Variants in ERC1 observed in about 807,000 individuals in gnomAD.
ERC1 encodes the protein RAB6 interacting protein 2.
In ERC1, 56 loss-of-function variants were observed where a neutral mutation model predicts 132.0. That is an observed-to-expected ratio of 0.42 (90% confidence interval 0.34 to 0.53). The LOEUF is 0.53. ERC1 is among the 20% of genes least tolerant of loss of function. ERC1 has a pLI of 0.03. For synonymous variants in ERC1, 478 were observed against 476.1 expected (o/e 1.00, Z -0.05); for missense variants, 1,202 against 1,349.9 (o/e 0.89, Z 1.72).
At chr12:1,293,314 G>T (rs370402687) in intron 15 of ERC1, among the ~76,000 whole-genome samples, 3 of 149,932 alleles carry the variant, frequency 2.0e-5, no homozygotes, top group African/African-American at 4.9e-5. Context: ...TTAGCCAGGC[G>T]TGGTGGCGGG....
At chr12:1,031,888 A>G (rs1968107849) in intron 2 of ERC1, among the ~76,000 whole-genome samples, 1 of 152,132 alleles carries the variant, frequency 6.6e-6, no homozygotes. Context: ...CAACAGGCAT[A>G]TTTGGTTAAA....
intron 18 of ERC1, among the ~76,000 whole-genome samples, chr12:1,464,689 T>G (rs1188202128): frequency 1.7e-4 from 25 of 151,364 alleles, no homozygotes; most frequent in Non-Finnish European, 8.8e-5. Flanking sequence ...CCCAGCTAAT[T>G]TTTGTATTTT....
At chr12:1,456,753 C>T (rs2093546267) in intron 18 of ERC1, among the ~76,000 whole-genome samples, 1 of 151,822 alleles carries the variant, frequency 6.6e-6, no homozygotes, top group East Asian at 1.9e-4. Context: ...CACAGTACTC[C>T]AGATGCAGTG....
intron 13 of ERC1, among the ~76,000 whole-genome samples, chr12:1,256,035 A>C (rs1268172222): frequency 2.0e-4 from 31 of 151,892 alleles, no homozygotes; most frequent in Admixed American, 2.0e-3. Context: ...TGGCTACATA[A>C]ATGTCTCCTT....
Position 1,491,834 on chromosome 12 carries a change from C to T in ERC1, c.*1604C>T, listed in dbSNP as rs1045436832. ...AGGACGTAGCGTAGACAACAGCAGT[C>T]ATAAATAATTAGGCAGGAACTTAAC... is the stretch of plus-strand genomic sequence containing the variant. On this transcript the variant is annotated 3_prime_UTR_variant, in exon 19 of 19. Transcript: ENST00000360905. The T allele has an allele frequency of 3.9e-5, 9 of 232,464 alleles. No homozygotes were observed. The highest frequency in any genetic ancestry group is 4.4e-5 in the African/African-American group (2 of 45,304). 14.4% of individuals were successfully genotyped at this position (232,464 alleles called of 1,614,324 possible).
chr12:1,060,249 A>G (rs186714081), intron 2 of ERC1, among the ~76,000 whole-genome samples: 71 of 151,464 alleles, frequency 4.7e-4, no homozygotes, highest in Non-Finnish European at 4.4e-5. Flanking sequence ...ATATGTATAC[A>G]TGTGCCATGC....
At position 1,143,131 on chromosome 12, in the gene ERC1, T is replaced by C. The variant is rs938479947; in HGVS notation, c.1737+1344T>C. Among the ~76,000 whole-genome samples the C allele has an allele frequency of 4.6e-5, 7 of 152,268 alleles. No homozygotes were observed. The East Asian group carries it at 1.2e-3, about 25-fold the overall frequency. On this transcript the variant is annotated intron_variant, in intron 8 of 18. Transcript: ENST00000360905. ...TTGGCCAGGCCGGTTTTGAAGTCCATGGCCTCAAGCGAGCCACCCACCTGG... is the reference window on the plus strand; with the variant it reads ...TTGGCCAGGCCGGTTTTGAAGTCCACGGCCTCAAGCGAGCCACCCACCTGG...
chr12:990,954 T>TGTGTGTGTGTGTGTGC (rs1959181080), upstream of ERC1: 1 of 141,728 alleles, frequency 7.1e-6, no homozygotes, highest in Non-Finnish European at 1.5e-5. Context: ...TGTGTGTGAG[T>TGTGTGTGTGTGTGTGC]GTGTGTGTGT....
intron 15 of ERC1, among the ~76,000 whole-genome samples, chr12:1,292,137 C>T (rs2079496453): frequency 6.6e-6 from 1 of 152,188 alleles, no homozygotes; most frequent in Non-Finnish European, 1.5e-5. Context: ...CATTCAAACT[C>T]CTCCTGCAGG....
chr12:1,259,748 C>T (rs1247552824), intron 13 of ERC1, among the ~76,000 whole-genome samples: 5 of 152,116 alleles, frequency 3.3e-5, no homozygotes, highest in Non-Finnish European at 7.4e-5. Context: ...TGGTCTCAAA[C>T]TCCTGACCTC....
At chr12:1,134,159 A>G (rs1949031018) in intron 7 of ERC1, among the ~76,000 whole-genome samples, 2 of 152,190 alleles carry the variant, frequency 1.3e-5, no homozygotes, top group East Asian at 3.9e-4. Flanking sequence ...ATGGTACCAA[A>G]ATTGCATTTA....
Position 1,336,698 on chromosome 12 carries a change from G to A in ERC1, c.2781-35135G>A, listed in dbSNP as rs1388266037. On this transcript the variant is annotated intron_variant, in intron 15 of 18. Coordinates refer to ENST00000360905, the MANE Select transcript of ERC1 (RefSeq NM_178040.4). ...GTCAGTTTTAGAGTATGTGCCATGC[G>A]AAGGTGAGAATGTATGTTCTGTTGC... Among the ~76,000 whole-genome samples the A allele has an allele frequency of 3.3e-5, 5 of 152,294 alleles. No homozygotes were observed. In the East Asian group the frequency reaches 5.8e-4, roughly 18 times the overall value.
chr12:1,398,087 G>A (rs1249088862), intron 16 of ERC1, among the ~76,000 whole-genome samples: 3 of 152,002 alleles, frequency 2.0e-5, no homozygotes, highest in Admixed American at 6.6e-5. Flanking sequence ...AGGCTCAATC[G>A]ATCCTCCCAC....
rs142996485 is a variant in ERC1 at position 1,490,209 on chromosome 12, C to T, written c.3330C>T (p.Asn1110=). Residue 1110 remains asparagine (N), a synonymous_variant, in exon 19 of 19, where the codon AAC becomes AAT. Transcript: ENST00000360905. ...CCGACATCCTAGAGCAAGTGGTCAACGCCCTGGAAGAGTCCTCTTGACCCT... is the reference window on the plus strand; with the variant it reads ...CCGACATCCTAGAGCAAGTGGTCAATGCCCTGGAAGAGTCCTCTTGACCCT... ...HCPDILEQVV[N]ALEESS The T allele has an allele frequency of 2.1e-5, 34 of 1,614,034 alleles. 1 individual carries two copies. The Admixed American group carries it at 2.2e-4, about 10-fold the overall frequency.
Position 1,484,259 on chromosome 12 carries a change from C to A in ERC1, c.3214-5834C>A, listed in dbSNP as rs996856452. ...TGTGGAGCTTGCAGTGAGCCGAGAT[C>A]GCACCACTGCACTCCAGCCTGGTGA... On this transcript the variant is annotated intron_variant, in intron 18 of 18. Coordinates refer to ENST00000360905, the MANE Select transcript of ERC1 (RefSeq NM_178040.4). Among the ~76,000 whole-genome samples the A allele has an allele frequency of 1.8e-4, 27 of 151,460 alleles. No homozygotes were observed. The East Asian group carries it at 3.4e-3, about 19-fold the overall frequency.
intron 2 of ERC1, among the ~76,000 whole-genome samples, chr12:1,078,734 A>G (rs1182018335): frequency 6.6e-6 from 1 of 152,214 alleles, no homozygotes; most frequent in East Asian, 1.9e-4. Context: ...AAAATGTTCA[A>G]TAACAAAATG....
chr12:1,406,855 A>G (rs2091527196), intron 16 of ERC1, among the ~76,000 whole-genome samples: 1 of 152,212 alleles, frequency 6.6e-6, no homozygotes, highest in African/African-American at 2.4e-5. Flanking sequence ...AGCCTGGGTG[A>G]CAGAATGAGA....
At chr12:1,145,317 C>A (rs967297930) in intron 8 of ERC1, among the ~76,000 whole-genome samples, 1 of 148,268 alleles carries the variant, frequency 6.7e-6, no homozygotes, top group African/African-American at 2.5e-5. Context: ...GCACCCAGCC[C>A]TTGTTGAGCT....
intron 17 of ERC1, among the ~76,000 whole-genome samples, chr12:1,434,000 AG>A (rs2092880254): frequency 2.0e-5 from 3 of 149,944 alleles, no homozygotes; most frequent in East Asian, 1.9e-4. Flanking sequence ...AAAAAAAAAA[AG>A]GTGTACTCCC....
Sources: allele counts gnomAD v4.1 joint callset (sites outside exome capture counted in the v4.1 genomes callset), GRCh38; gene constraint gnomAD v4.1.1; transcripts MANE v1.5; gene names NCBI Gene and HGNC (gene_info 2026-07-23, HGNC 2026-07-21).